Variants in PCDH9 observed in about 807,000 individuals in gnomAD.
PCDH9 encodes the protein protocadherin-9.
A neutral mutation model predicts 70.6 loss-of-function variants in PCDH9; 24 were observed. The observed-to-expected ratio is 0.34, with a 90% confidence interval of 0.25 to 0.48. The LOEUF (loss-of-function observed/expected upper bound fraction) is 0.48, where lower values mean the gene tolerates loss of function less well. Among genes scored for constraint, PCDH9 ranks in the 20% least tolerant of loss-of-function variants. The pLI is 0.99. For missense variants in PCDH9, 1,281 were observed against 1,503.6 expected (o/e 0.85, Z 2.45); for synonymous variants, 562 against 558.5 (o/e 1.01, Z -0.09).
At chr13:66,473,892 G>A (rs1008861155) in intron 4 of PCDH9, among the ~76,000 whole-genome samples, 6 of 152,048 alleles carry the variant, frequency 3.9e-5, no homozygotes, top group African/African-American at 9.7e-5. Flanking sequence ...TAAGTTTGCC[G>A]TTATCAAACA....
At chr13:66,347,294 G>A (rs566915933) in intron 4 of PCDH9, among the ~76,000 whole-genome samples, 8 of 152,150 alleles carry the variant, frequency 5.3e-5, no homozygotes, top group African/African-American at 1.7e-4. Context: ...AATTTTAATA[G>A]TTTTAGTGAG....
At chr13:66,826,099 A>G (rs556397833) in intron 3 of PCDH9, among the ~76,000 whole-genome samples, 2 of 152,324 alleles carry the variant, frequency 1.3e-5, no homozygotes, top group Non-Finnish European at 2.9e-5. Flanking sequence ...AACATTCCAT[A>G]ATCATTTTTA....
chr13:66,658,181 T>C (rs1413616139), intron 3 of PCDH9, among the ~76,000 whole-genome samples: 2 of 152,192 alleles, frequency 1.3e-5, no homozygotes, highest in Admixed American at 1.3e-4. Context: ...ACCTTGCTTT[T>C]GTTAGATTTT....
chr13:66,744,922 C>G (rs1327926038), intron 3 of PCDH9, among the ~76,000 whole-genome samples: 3 of 152,086 alleles, frequency 2.0e-5, no homozygotes, highest in Non-Finnish European at 2.9e-5. Flanking sequence ...TTTTTAGTTT[C>G]TTTTCTCTAT....
chr13:66,959,589 C>A (rs975771893), intron 2 of PCDH9, among the ~76,000 whole-genome samples: 1 of 151,336 alleles, frequency 6.6e-6, no homozygotes, highest in Non-Finnish European at 1.5e-5. Flanking sequence ...CCTGTCTCTG[C>A]AAAAATAAAA....
intron 4 of PCDH9, among the ~76,000 whole-genome samples, chr13:66,317,458 T>C (rs1041263542): frequency 7.2e-5 from 11 of 152,200 alleles, no homozygotes; most frequent in Non-Finnish European, 1.2e-4. Flanking sequence ...CCCAGCTATT[T>C]TGGAGTTAAA....
At chr13:66,587,069 G>A (rs1011690540) in intron 4 of PCDH9, among the ~76,000 whole-genome samples, 5 of 152,088 alleles carry the variant, frequency 3.3e-5, no homozygotes, top group Non-Finnish European at 5.9e-5. Flanking sequence ...GCCAAAGCAA[G>A]AAGATCACTT....
At chr13:66,898,178 T>C (rs1354155846) in intron 3 of PCDH9, among the ~76,000 whole-genome samples, 1 of 152,070 alleles carries the variant, frequency 6.6e-6, no homozygotes, top group Non-Finnish European at 1.5e-5. Context: ...TTTTTCTTAA[T>C]TTATTGCACT....
At chr13:66,872,853 A>C (rs1241341470) in intron 3 of PCDH9, among the ~76,000 whole-genome samples, 3 of 152,110 alleles carry the variant, frequency 2.0e-5, no homozygotes, top group Non-Finnish European at 4.4e-5. Flanking sequence ...AATCAGAAAT[A>C]TTTTTGAGAA....
At chr13:66,832,424 T>C (rs2080943650) in intron 3 of PCDH9, among the ~76,000 whole-genome samples, 1 of 152,078 alleles carries the variant, frequency 6.6e-6, no homozygotes, top group Non-Finnish European at 1.5e-5. Context: ...AATGATAAAT[T>C]ATAATAATTA....
chr13:66,329,438 C>T (rs1955901479), intron 4 of PCDH9, among the ~76,000 whole-genome samples: 1 of 152,168 alleles, frequency 6.6e-6, no homozygotes, highest in African/African-American at 2.4e-5. Flanking sequence ...AACTAATTAT[C>T]CCACCTCCCC....
At chr13:66,377,236 T>C (rs1270425183) in intron 4 of PCDH9, among the ~76,000 whole-genome samples, 1 of 152,138 alleles carries the variant, frequency 6.6e-6, no homozygotes, top group African/African-American at 2.4e-5. Context: ...ACATTGAACA[T>C]ATTTGAGGCC....
At chr13:66,937,471 C>T (rs916942651) in intron 2 of PCDH9, among the ~76,000 whole-genome samples, 4 of 152,208 alleles carry the variant, frequency 2.6e-5, no homozygotes, top group Non-Finnish European at 5.9e-5. Flanking sequence ...TACTGCCTGT[C>T]TCCACAATTT....
chr13:66,529,392 A>G (rs1960347394), intron 4 of PCDH9, among the ~76,000 whole-genome samples: 1 of 152,130 alleles, frequency 6.6e-6, no homozygotes, highest in South Asian at 2.1e-4. Flanking sequence ...CTATTGCACT[A>G]AAGTGAACTA....
intron 2 of PCDH9, among the ~76,000 whole-genome samples, chr13:67,149,383 A>G (rs1022663593): frequency 6.6e-6 from 1 of 152,132 alleles, no homozygotes; most frequent in Non-Finnish European, 1.5e-5. Context: ...AATTCTTTAT[A>G]GTCATAGTAC....
intron 2 of PCDH9, among the ~76,000 whole-genome samples, chr13:66,913,515 G>A (rs1345883204): frequency 6.6e-6 from 1 of 151,964 alleles, no homozygotes; most frequent in African/African-American, 2.4e-5. Flanking sequence ...TGTAGGGGGT[G>A]TTGGGCTTGA....
chr13:66,503,682 CCAAAAGATAATAT>C (rs1959189011), intron 4 of PCDH9, among the ~76,000 whole-genome samples: 2 of 152,086 alleles, frequency 1.3e-5, no homozygotes, highest in South Asian at 4.1e-4. Flanking sequence ...AGTGTAAGAT[CCAAAAGATAATAT>C]AAGTGAAAGC....
chr13:67,160,161 C>G (rs2087916958), intron 2 of PCDH9, among the ~76,000 whole-genome samples: 1 of 152,208 alleles, frequency 6.6e-6, no homozygotes, highest in Admixed American at 6.5e-5. Flanking sequence ...TCTACAACAA[C>G]AGCAAAATGC....
chr13:66,869,056 A>G (rs2081625473), intron 3 of PCDH9, among the ~76,000 whole-genome samples: 1 of 152,138 alleles, frequency 6.6e-6, no homozygotes, highest in Non-Finnish European at 1.5e-5. Flanking sequence ...AAACCACATA[A>G]TATTTTCTTT....
Sources: allele counts gnomAD v4.1 joint callset (sites outside exome capture counted in the v4.1 genomes callset), GRCh38; gene constraint gnomAD v4.1.1; transcripts MANE v1.5; gene names NCBI Gene and HGNC (gene_info 2026-07-23, HGNC 2026-07-21).